CDH6: variants seen among roughly 807,000 people sequenced by gnomAD.
The protein encoded by CDH6 is cadherin 6, also known as cadherin-6.
A neutral mutation model predicts 78.0 loss-of-function variants in CDH6; 31 were observed. The observed-to-expected ratio is 0.40, with a 90% CI of 0.30 to 0.54. The LOEUF (loss-of-function observed/expected upper bound fraction) is 0.54, where lower values mean the gene tolerates loss of function less well. Among genes scored for constraint, CDH6 ranks in the 20% least tolerant of loss-of-function variants. The pLI is 0.56. For missense variants in CDH6, 724 were observed against 975.9 expected (o/e 0.74, Z 3.44); for synonymous variants, 376 against 368.8 (o/e 1.02, Z -0.23).
intron 1 of CDH6, among the ~76,000 whole-genome samples, chr5:31,215,665 A>G (rs1740842533): frequency 1.3e-5 from 2 of 152,114 alleles, no homozygotes; most frequent in African/African-American, 4.8e-5. Flanking sequence ...TGCAGGACGG[A>G]ATCAAGTCTA....
chr5:31,228,153 A>G (rs978881907), intron 1 of CDH6, among the ~76,000 whole-genome samples: 8 of 152,118 alleles, frequency 5.3e-5, no homozygotes, highest in Non-Finnish European at 8.8e-5. Context: ...TCTCGGACTC[A>G]TGCCTCACTG....
At chr5:31,309,110 C>G (rs1234837983) in intron 7 of CDH6, among the ~76,000 whole-genome samples, 1 of 152,078 alleles carries the variant, frequency 6.6e-6, no homozygotes, top group East Asian at 1.9e-4. Context: ...AAAACAATAG[C>G]TGTTTCATTT....
Position 31,327,510 on chromosome 5 carries a change from G to A in CDH6, c.*4202G>A, listed in dbSNP as rs1399506993. The A allele has an allele frequency of 1.0e-5, 2 of 191,484 alleles. No homozygotes were observed. Among genetic ancestry groups the A allele is most frequent in the African/African-American group, 2.3e-5 (1 of 43,002 alleles). 11.9% of individuals were successfully genotyped at this position (191,484 alleles called of 1,614,324 possible). On this transcript the variant is annotated 3_prime_UTR_variant, in exon 12 of 12. Coordinates refer to ENST00000265071, the MANE Select transcript of CDH6 (RefSeq NM_004932.4). ...TTGTTTGAATTGTGATATTATAAAA[G>A]GGGACTCAAAAATCCAAGCAGTCTA...
chr5:31,309,385 C>A (rs1361912578), intron 7 of CDH6, among the ~76,000 whole-genome samples: 1 of 152,114 alleles, frequency 6.6e-6, no homozygotes, highest in Non-Finnish European at 1.5e-5. Flanking sequence ...ATCTTGGGTG[C>A]AGTAAACTAT....
intron 1 of CDH6, among the ~76,000 whole-genome samples, chr5:31,210,750 A>G (rs753552043): frequency 2.0e-5 from 3 of 152,092 alleles, no homozygotes; most frequent in Non-Finnish European, 4.4e-5. Context: ...TACACTATCA[A>G]TGCAATGTAA....
chr5:31,292,024 T>C (rs189514568), intron 2 of CDH6, among the ~76,000 whole-genome samples: 1 of 152,288 alleles, frequency 6.6e-6, no homozygotes, highest in Admixed American at 6.5e-5. Flanking sequence ...CCTCTAAATA[T>C]GAGGAAGTTG....
intron 1 of CDH6, among the ~76,000 whole-genome samples, chr5:31,248,692 A>G (rs1741824979): frequency 6.6e-6 from 1 of 152,104 alleles, no homozygotes; most frequent in Non-Finnish European, 1.5e-5. Flanking sequence ...ATTAAGAAAT[A>G]TCCACATTCC....
intron 1 of CDH6, among the ~76,000 whole-genome samples, chr5:31,199,140 G>T (rs1011856227): frequency 2.0e-5 from 3 of 151,882 alleles, no homozygotes; most frequent in Non-Finnish European, 4.4e-5. Context: ...TTTGGATCCT[G>T]TGTGTGATAT....
intron 1 of CDH6, among the ~76,000 whole-genome samples, chr5:31,206,756 C>G (rs1740533011): frequency 6.6e-6 from 1 of 152,160 alleles, no homozygotes; most frequent in African/African-American, 2.4e-5. Context: ...ATTATGTTTT[C>G]TATTCGCCCA....
chr5:31,269,519 C>T (rs917455579), intron 2 of CDH6, among the ~76,000 whole-genome samples: 1 of 152,126 alleles, frequency 6.6e-6, no homozygotes, highest in African/African-American at 2.4e-5. Context: ...GCAGCAATGC[C>T]TACCTGGTGG....
At chr5:31,310,111 C>G (rs1738105162) in intron 7 of CDH6, among the ~76,000 whole-genome samples, 1 of 152,206 alleles carries the variant, frequency 6.6e-6, no homozygotes, top group Non-Finnish European at 1.5e-5. Context: ...CAAGACAAGA[C>G]AGATCCTTTC....
At chr5:31,243,347 T>G (rs1003488661) in intron 1 of CDH6, among the ~76,000 whole-genome samples, 1 of 152,102 alleles carries the variant, frequency 6.6e-6, no homozygotes, top group Non-Finnish European at 1.5e-5. Flanking sequence ...CCAGACCACA[T>G]CAGTCTCAGC....
At chr5:31,259,496 C>T (rs894061713) in intron 1 of CDH6, among the ~76,000 whole-genome samples, 5 of 152,214 alleles carry the variant, frequency 3.3e-5, no homozygotes, top group African/African-American at 9.6e-5. Flanking sequence ...AGGGTTTTAA[C>T]ATCTCCCGGT....
chr5:31,223,021 T>C (rs561289088), intron 1 of CDH6, among the ~76,000 whole-genome samples: 4 of 152,230 alleles, frequency 2.6e-5, no homozygotes, highest in African/African-American at 9.6e-5. Flanking sequence ...TTTTCCTCTC[T>C]CTTACTCTTT....
chr5:31,286,016 G>A (rs145665843), intron 2 of CDH6, among the ~76,000 whole-genome samples: 3 of 152,318 alleles, frequency 2.0e-5, no homozygotes, highest in East Asian at 3.9e-4. Context: ...CTAAAGTCAA[G>A]AAAGAGTATA....
At chr5:31,289,328 T>G (rs1276016241) in intron 2 of CDH6, among the ~76,000 whole-genome samples, 4 of 152,226 alleles carry the variant, frequency 2.6e-5, no homozygotes, top group Non-Finnish European at 5.9e-5. Flanking sequence ...TTTGTAGTAT[T>G]CTGGGGTGTA....
chr5:31,270,175 TA>T (rs1380770388), intron 2 of CDH6, among the ~76,000 whole-genome samples: 3 of 152,202 alleles, frequency 2.0e-5, no homozygotes, highest in African/African-American at 2.4e-5. Flanking sequence ...CTGATGCGAT[TA>T]TCCAGCTCCA....
intron 11 of CDH6, 194 bp downstream of exon 11, chr5:31,318,118 TG>T (rs1738379732): frequency 1.5e-6 from 1 of 657,618 alleles, no homozygotes; most frequent in Admixed American, 2.3e-5. Flanking sequence ...AATGAACAGA[TG>T]TGAAACTTGC....
At chr5:31,317,201 C>G (rs891309138) in intron 9 of CDH6, among the ~76,000 whole-genome samples, 174 bp from the exon 10 acceptor site, 1 of 152,176 alleles carries the variant, frequency 6.6e-6, no homozygotes, top group Non-Finnish European at 1.5e-5. Flanking sequence ...AGAATCATTC[C>G]CTGCCCTTTG....
Sources: gnomAD v4.1 joint callset for allele counts (sites outside exome capture counted in the v4.1 genomes callset) on GRCh38, gnomAD v4.1.1 for gene constraint, MANE v1.5 for transcripts, NCBI Gene and HGNC (gene_info 2026-07-23, HGNC 2026-07-21) for gene names.